The following ZKSCAN2 variants were observed in gnomAD, a reference collection of about 807,000 sequenced individuals.
ZKSCAN2 encodes the protein zinc finger with KRAB and SCAN domains 2, also known as zinc finger protein with KRAB and SCAN domains 2.
ZKSCAN2 carries 38 observed loss-of-function variants against 90.5 expected under a neutral mutation model. The observed-to-expected ratio is 0.42, with a 90% CI of 0.32 to 0.55. The LOEUF (loss-of-function observed/expected upper bound fraction) is 0.55, where lower values mean the gene tolerates loss of function less well. Among genes scored for constraint, ZKSCAN2 ranks in the 20% least tolerant of loss-of-function variants. The pLI is 0.11. For missense variants in ZKSCAN2, 1,167 were observed against 1,202.6 expected (o/e 0.97, Z 0.44); for synonymous variants, 429 against 421.6 (o/e 1.02, Z -0.22).
chr16:25,236,931 A>T lies in ZKSCAN2; in HGVS notation c.*2885T>A, dbSNP rs1270504703. On this transcript the variant is annotated 3_prime_UTR_variant, in exon 7 of 7. Coordinates refer to ENST00000328086, the MANE Select transcript of ZKSCAN2 (RefSeq NM_001012981.5). The stretch of plus-strand genomic sequence containing the variant: ...AAGGAAATAAGATGAAATTAAATAA[A>T]TATAGGTTGGGGTAGTTGGTTGAGG... The T allele has an allele frequency of 6.6e-6, 1 of 152,658 alleles. No individual in the cohort carries two copies. Among genetic ancestry groups the T allele is most frequent in the East Asian group, 1.9e-4 (1 of 5,200 alleles). 9.5% of individuals were successfully genotyped at this position (152,658 alleles called of 1,614,324 possible).
In ZKSCAN2 at chr16:25,243,740, A is replaced by G. The variant is rs758363049; in HGVS notation, c.1981+45T>C. 1.9e-6 allele frequency: 3 copies of G among 1,551,332 alleles called. No homozygotes were observed. In the East Asian group the frequency reaches 6.8e-5, roughly 35 times the overall value. ...ATCTACTCATTTTTCAGTAAATCAC[A>G]CTTATTCCTCTTTTGGACTAAAACT... On this transcript the variant is annotated intron_variant, in intron 6 of 6. Coordinates refer to ENST00000328086, the MANE Select transcript of ZKSCAN2 (RefSeq NM_001012981.5).
rs757211914 is a variant in ZKSCAN2, at chr16:25,246,936, C to T, written c.1260G>A (p.Glu420=). 2 of 1,614,038 alleles carry T rather than the reference C, an allele frequency of 1.2e-6. No homozygotes were observed. ...CAGGGTTCAACAAAGCATCCATGTC[C>T]TCAAAGAAGGCGCAGGGTTCTAGCA... ...GHMLEPCAFF[E]DMDALLNPAA... Residue 420 remains glutamate (E), a synonymous_variant, in exon 5 of 7, where the codon GAG becomes GAA. Transcript: ENST00000328086.
chr16:25,240,498 G>A lies in ZKSCAN2; in HGVS notation c.2222C>T (p.Pro741Leu), dbSNP rs754700429. Residue 741 changes from proline to leucine, a missense_variant, in exon 7 of 7, where the codon CCT becomes CTT. By Grantham distance (98) the Pro-to-Leu change is moderately conservative. Coordinates refer to ENST00000328086, the MANE Select transcript of ZKSCAN2 (RefSeq NM_001012981.5). ...DLGKAVVHQR[P>L]FVGKRPYRLL... The stretch of plus-strand genomic sequence containing the variant: ...TCTGTAGGGTCTCTTCCCCACAAAA[G>A]GCCTCTGATGCACAACGGCTTTCCC... The A allele has an allele frequency of 6.2e-7, 1 of 1,614,110 alleles. No homozygotes were observed. Among genetic ancestry groups the A allele is most frequent in the South Asian group, 1.1e-5 (1 of 91,076 alleles).
chr16:25,252,862 G>A (rs1042154789), intron 3 of ZKSCAN2, 84 bp downstream of exon 3: 6 of 1,127,994 alleles, frequency 5.3e-6, no homozygotes, highest in Non-Finnish European at 8.1e-6. Context: ...TGGTTGCAGT[G>A]AGCTGAGATT....
intron 4 of ZKSCAN2, among the ~76,000 whole-genome samples, chr16:25,248,282 C>CAAAAAAAA (rs55673563): frequency 2.2e-3 from 50 of 23,000 alleles, no homozygotes; most frequent in East Asian, 3.4e-3. Context: ...TTCTATACAG[C>CAAAAAAAA]AAAAAAAAAA....
Position 25,244,237 on chromosome 16 carries a change from T to C in ZKSCAN2, c.1529A>G (p.Asp510Gly). The C allele has an allele frequency of 6.2e-7, 1 of 1,613,958 alleles. No homozygotes were observed. Among genetic ancestry groups the C allele is most frequent in the Non-Finnish European group, 8.5e-7 (1 of 1,179,886 alleles). The part of the protein sequence containing the change: ...WGYEETKTFL[D>G]ILRETRFYEA... The stretch of plus-strand genomic sequence containing the variant: ...ATAAAACCGAGTCTCACGGAGGATA[T>C]CAAGAAAAGTCTTGGTTTCTTCATA... Residue 510 changes from aspartate to glycine, a missense_variant, in exon 6 of 7, where the codon GAT becomes GGT. Asp to Gly is a moderately conservative substitution (Grantham distance 94). Transcript: ENST00000328086.
rs1213959274 is a variant in ZKSCAN2, at chr16:25,252,815, TGA to T, written c.678+129_678+130del. 3.6e-5 allele frequency: 26 copies of T among 725,286 alleles called. No individual in the cohort carries two copies. The Admixed American group carries it at 4.1e-4, about 11-fold the overall frequency. The allele number at this position is 725,286 out of a possible 1,614,324, so 44.9% of individuals were successfully genotyped here. On this transcript the variant is annotated intron_variant, in intron 3 of 6. Transcript: ENST00000328086. The stretch of plus-strand genomic sequence containing the variant: ...CTGTGGTCCCAGCTACTCAGGAGGC[TGA>T]GGCAGGAGAATCGCTTGAACCCAGG...
intron 2 of ZKSCAN2, among the ~76,000 whole-genome samples, chr16:25,253,963 G>A (rs1235407788): frequency 3.9e-5 from 6 of 152,278 alleles, no homozygotes; most frequent in East Asian, 3.9e-4. Context: ...AGCTGAGATC[G>A]TGCCACTGCA....
rs1179877943 is a variant in ZKSCAN2, at chr16:25,254,794, C to CT, written c.586+411dup. Among the ~76,000 whole-genome samples, 354 of 132,568 alleles carry CT rather than the reference C, an allele frequency of 2.7e-3. 1 individual carries two copies. The highest frequency in any genetic ancestry group is 3.5e-3 in the East Asian group (16 of 4,578). The allele number at this position is 132,568 out of a possible 152,430, so 87.0% of individuals were successfully genotyped here. A position where few individuals can be genotyped will look rare whatever the true frequency, so the allele number is the denominator to read the frequency against. On this transcript the variant is annotated intron_variant, in intron 2 of 6. Coordinates refer to ENST00000328086, the MANE Select transcript of ZKSCAN2 (RefSeq NM_001012981.5). ...CAATCTAAGTTTCCCCAGTTTGGAT[C>CT]TTTTTTTTTTTTTTTTTGAGACAGG...
At chr16:25,245,873 T>A (rs1962926199) in intron 5 of ZKSCAN2, among the ~76,000 whole-genome samples, 1 of 152,212 alleles carries the variant, frequency 6.6e-6, no homozygotes, top group African/African-American at 2.4e-5. Flanking sequence ...ATTTTCACAG[T>A]GCCTTCATTT....
intron 6 of ZKSCAN2, among the ~76,000 whole-genome samples, chr16:25,242,307 A>C (rs79025042): frequency 0.011 from 1,681 of 152,318 alleles, 29 homozygotes; most frequent in African/African-American, 0.036. Context: ...AAGATTCACA[A>C]GGACTTTGTT....
At chr16:25,255,443 G>A (rs1162035213) in intron 1 of ZKSCAN2, 51 bp from the exon 2 acceptor site, 1 of 1,547,126 alleles carries the variant, frequency 6.5e-7, no homozygotes, top group Non-Finnish European at 8.7e-7. Context: ...GCCCATATCA[G>A]GGCGAAATTC....
intron 4 of ZKSCAN2, among the ~76,000 whole-genome samples, chr16:25,249,295 G>A (rs1300879726): frequency 6.6e-6 from 1 of 152,100 alleles, no homozygotes; most frequent in Non-Finnish European, 1.5e-5. Context: ...ATTCCTAGAA[G>A]AGTAGATTTT....
intron 6 of ZKSCAN2, 111 bp downstream of exon 6, chr16:25,243,674 A>G: frequency 1.5e-6 from 2 of 1,336,896 alleles, no homozygotes; most frequent in Non-Finnish European, 2.1e-6. Context: ...AGGCACTCAA[A>G]TATTTCTTGA....
At chr16:25,254,859 TC>T (rs1159477248) in intron 2 of ZKSCAN2, among the ~76,000 whole-genome samples, 3 of 151,372 alleles carry the variant, frequency 2.0e-5, no homozygotes, top group Non-Finnish European at 4.4e-5. Flanking sequence ...AGTGGTGTGA[TC>T]ACGGCTTACT....
At position 25,257,136 on chromosome 16, in the gene ZKSCAN2, C is replaced by T. The variant is rs1963117992; in HGVS notation, c.-9G>A. 6.3e-7 allele frequency: 1 copy of T among 1,580,004 alleles called. No individual in the cohort carries two copies. Among genetic ancestry groups the T allele is most frequent in the Non-Finnish European group, 8.6e-7 (1 of 1,163,460 alleles). On this transcript the variant is annotated 5_prime_UTR_variant, in exon 1 of 7. Transcript: ENST00000328086. ...TCGAGGGCGACAGCCATGCTGCAGC[C>T]CAGGGGTCAACTTCACGTCTAGCTC...
At chr16:25,244,376 T>C (rs1962902600) in intron 5 of ZKSCAN2, 100 bp from the exon 6 acceptor site, 17 of 1,343,986 alleles carry the variant, frequency 1.3e-5, no homozygotes, top group Non-Finnish European at 1.7e-5. Context: ...AAAAATCCCA[T>C]TCACAGTGGC....
chr16:25,253,301 G>A (rs1170593522), intron 2 of ZKSCAN2, among the ~76,000 whole-genome samples: 3 of 152,198 alleles, frequency 2.0e-5, no homozygotes, highest in East Asian at 1.9e-4. Context: ...ACATCTGATT[G>A]AAAGGGCACT....
intron 5 of ZKSCAN2, 84 bp downstream of exon 5, chr16:25,246,623 G>T (rs896437956): frequency 1.5e-5 from 22 of 1,446,090 alleles, no homozygotes; most frequent in African/African-American, 2.8e-5. Flanking sequence ...AGCACCCCCC[G>T]GGTTTGGCCA....
Sources: gnomAD v4.1 joint callset for allele counts (sites outside exome capture counted in the v4.1 genomes callset) on GRCh38, gnomAD v4.1.1 for gene constraint, MANE v1.5 for transcripts, NCBI Gene and HGNC (gene_info 2026-07-23, HGNC 2026-07-21) for gene names.